The following RIPK1 variants were observed in gnomAD, a reference collection of about 807,000 sequenced individuals.
RIPK1 encodes the protein receptor-interacting serine/threonine-protein kinase 1.
Under a neutral mutation model 62.4 loss-of-function variants are expected in RIPK1, and 27 were observed. The observed-to-expected ratio is 0.43, with a 90% CI of 0.32 to 0.60. The LOEUF (loss-of-function observed/expected upper bound fraction) is 0.60, where lower values mean the gene tolerates loss of function less well. Among genes scored for constraint, RIPK1 ranks in the 20% least tolerant of loss-of-function variants. RIPK1 has a pLI of 0.07. For missense variants in RIPK1, 735 were observed against 831.0 expected (o/e 0.88, Z 1.42); for synonymous variants, 287 against 303.2 (o/e 0.95, Z 0.55).
chr6:3,066,345 TTTAA>T (rs1338551467), upstream of RIPK1, among the ~76,000 whole-genome samples: 4 of 152,150 alleles, frequency 2.6e-5, no homozygotes, highest in African/African-American at 7.2e-5. Flanking sequence ...ATTTTTTGTG[TTTAA>T]TTCACAACCG....
intron 9 of RIPK1, among the ~76,000 whole-genome samples, chr6:3,110,077 G>A (rs888523438): frequency 6.6e-6 from 1 of 152,146 alleles, no homozygotes; most frequent in Non-Finnish European, 1.5e-5. Context: ...TGTGAATAAT[G>A]CTGCAGTGAA....
chr6:3,094,073 T>C (rs71552161), intron 7 of RIPK1, among the ~76,000 whole-genome samples: 29 of 122,676 alleles, frequency 2.4e-4, no homozygotes, highest in African/African-American at 3.9e-4. Context: ...ACCTAGTAAC[T>C]GCAGCGCGCC....
rs78112015 is a variant in RIPK1, at chr6:3,072,824, A to G, written c.-60-3940A>G. ...GCGGATGACCCTTATGGAATGGGGAAGGCTTCACAGTTCTGCCTGCTCCAG... is the reference window on the plus strand; with the variant it reads ...GCGGATGACCCTTATGGAATGGGGAGGGCTTCACAGTTCTGCCTGCTCCAG... On this transcript the variant is annotated intron_variant, in intron 1 of 10. Coordinates refer to ENST00000259808, the MANE Select transcript of RIPK1 (RefSeq NM_001354930.2). The surrounding 1 kb of genome is among the most constrained non-coding windows in gnomAD (Gnocchi z 5.6). Among the ~76,000 whole-genome samples the G allele has an allele frequency of 0.027, 4,081 of 152,276 alleles. 75 individuals carry two copies. Among genetic ancestry groups the G allele is most frequent in the Middle Eastern group, 0.065 (19 of 294 alleles).
rs1561765110 is a variant in RIPK1 at position 3,094,079 on chromosome 6, GCGCCTACCTCC to G, written c.915+4423_915+4433del. On this transcript the variant is annotated intron_variant, in intron 7 of 10. Coordinates refer to ENST00000259808, the MANE Select transcript of RIPK1 (RefSeq NM_001354930.2). ...ACCTGCCGCACCTAGTAACTGCAGC[GCGCCTACCTCC>G]TGCACCTAGTAACTGCAGAGTACCT... Among the ~76,000 whole-genome samples, 48 of 140,648 alleles carry G rather than the reference GCGCCTACCTCC, an allele frequency of 3.4e-4. 6 individuals are homozygous for G. Among genetic ancestry groups the G allele is most frequent in the African/African-American group, 1.4e-3 (46 of 32,216 alleles). The allele number at this position is 140,648 out of a possible 152,430, so 92.3% of individuals were successfully genotyped here.
At chr6:3,078,049 T>C in intron 3 of RIPK1, 114 bp downstream of exon 3, 1 of 1,025,676 alleles carries the variant, frequency 9.7e-7, no homozygotes, top group East Asian at 2.6e-5. Flanking sequence ...GCAAATTGCT[T>C]GGTAGTTTGA....
chr6:3,078,045 T>C (rs1414800007), intron 3 of RIPK1, 110 bp downstream of exon 3: 1 of 1,060,242 alleles, frequency 9.4e-7, no homozygotes, highest in Admixed American at 2.7e-5. Context: ...ATTTGCAAAT[T>C]GCTTGGTAGT....
chr6:3,095,399 T>G (rs35288283), intron 7 of RIPK1, among the ~76,000 whole-genome samples: 1 of 152,220 alleles, frequency 6.6e-6, no homozygotes, highest in South Asian at 2.1e-4. Flanking sequence ...GTCAATCTTA[T>G]ACAGTTTTCT....
chr6:3,076,499 G>A (rs1026167526), intron 1 of RIPK1, among the ~76,000 whole-genome samples: 13 of 151,194 alleles, frequency 8.6e-5, no homozygotes, highest in Non-Finnish European at 1.3e-4. Flanking sequence ...GAGATCCCCC[G>A]GCCCCCCCAT....
intron 1 of RIPK1, chr6:3,069,013 C>T (rs1009779341): frequency 6.6e-6 from 1 of 152,192 alleles, no homozygotes; most frequent in Non-Finnish European, 1.5e-5. Context: ...AGGGGTGCTC[C>T]GCTAGGTGTC....
chr6:3,068,447 C>T (rs988864219), upstream of RIPK1: 5 of 985,316 alleles, frequency 5.1e-6, no homozygotes, highest in African/African-American at 1.7e-5. Context: ...CTCTCGCGGT[C>T]CTCCTCCCCG....
chr6:3,112,753 G>C (rs1377694346), intron 10 of RIPK1, among the ~76,000 whole-genome samples: 3 of 152,056 alleles, frequency 2.0e-5, no homozygotes, highest in Non-Finnish European at 2.9e-5. Flanking sequence ...GCCCAGGACT[G>C]GTCTAGAACT....
At chr6:3,101,430 G>A (rs1366740372) in intron 7 of RIPK1, among the ~76,000 whole-genome samples, 1 of 152,146 alleles carries the variant, frequency 6.6e-6, no homozygotes, top group African/African-American at 2.4e-5. Context: ...ACTCCTGCCT[G>A]GGCGACAGAG....
chr6:3,071,009 A>G (rs1416496116), intron 1 of RIPK1, among the ~76,000 whole-genome samples: 2 of 152,214 alleles, frequency 1.3e-5, no homozygotes, highest in Non-Finnish European at 2.9e-5. Context: ...TCATGATAAA[A>G]TTTGCTTCAG....
At chr6:3,068,239 C>T (rs2113527865), upstream of RIPK1, 3 of 985,548 alleles carry the variant, frequency 3.0e-6, no homozygotes, top group East Asian at 1.1e-4. Flanking sequence ...TCTGAATCCT[C>T]CGGATAGCGC....
At chr6:3,074,534 G>A (rs1758949774) in intron 1 of RIPK1, among the ~76,000 whole-genome samples, 1 of 152,000 alleles carries the variant, frequency 6.6e-6, no homozygotes, top group African/African-American at 2.4e-5. Flanking sequence ...ATTTCTCTTG[G>A]GATTGGAATT....
chr6:3,071,810 C>T lies in RIPK1; in HGVS notation c.-61+3149C>T, dbSNP rs190118210. Among the ~76,000 whole-genome samples the T allele has an allele frequency of 3.4e-4, 52 of 152,300 alleles. No individual in the cohort carries two copies. In the Middle Eastern group the frequency reaches 0.014, roughly 40 times the overall value. ...CAACTAGAGGCCTTCCCAAACTCCA[C>T]CGCACACAGCAGCACCTGCAGGTCC... On this transcript the variant is annotated intron_variant, in intron 1 of 10. Transcript: ENST00000259808.
chr6:3,069,932 ACCCAG>A (rs1021208743), intron 1 of RIPK1, among the ~76,000 whole-genome samples: 2 of 151,954 alleles, frequency 1.3e-5, no homozygotes, highest in Non-Finnish European at 2.9e-5. Context: ...AATGGCTTGA[ACCCAG>A]GAGGCGGTAG....
chr6:3,099,230 T>C (rs989697011), intron 7 of RIPK1, among the ~76,000 whole-genome samples: 14 of 152,152 alleles, frequency 9.2e-5, no homozygotes, highest in Admixed American at 6.5e-4. Flanking sequence ...CCAGGATATT[T>C]AATAGAGTGC....
upstream of RIPK1, among the ~76,000 whole-genome samples, chr6:3,064,501 C>T (rs1443540278): frequency 6.6e-6 from 1 of 152,200 alleles, no homozygotes; most frequent in Non-Finnish European, 1.5e-5. Flanking sequence ...CTCAGCGAAA[C>T]GGATGGGGCC....
Sources: allele counts gnomAD v4.1 joint callset (sites outside exome capture counted in the v4.1 genomes callset), GRCh38; gene constraint gnomAD v4.1.1; non-coding constraint Gnocchi (gnomAD v3.1); transcripts MANE v1.5; gene names NCBI Gene and HGNC (gene_info 2026-07-23, HGNC 2026-07-21).